Variants in KCNH5 observed in about 807,000 individuals in gnomAD.
KCNH5 encodes the protein potassium voltage-gated channel subfamily H member 5, also known as voltage-gated delayed rectifier potassium channel KCNH5.
KCNH5 carries 46 observed loss-of-function variants against 96.1 expected under a neutral mutation model. The observed-to-expected ratio is 0.48, with a 90% CI of 0.38 to 0.61. The LOEUF is 0.61. Among genes scored for constraint, KCNH5 ranks in the 20% least tolerant of loss-of-function variants. The pLI is 0.00. For synonymous variants in KCNH5, 439 were observed against 449.8 expected, an observed-to-expected ratio of 0.98 and a Z score of 0.30; for missense variants, 907 against 1,225.8, an observed-to-expected ratio of 0.74 and a Z score of 3.88.
At chr14:63,029,749 T>A (rs1891592099) in intron 1 of KCNH5, among the ~76,000 whole-genome samples, 1 of 152,110 alleles carries the variant, frequency 6.6e-6, no homozygotes. Flanking sequence ...GGTTTCTTTT[T>A]GAAATTTCTC....
Position 62,699,959 on chromosome 14 carries a change from A to C in KCNH5, c.*7549T>G, listed in dbSNP as rs989955477. On this transcript the variant is annotated 3_prime_UTR_variant, in exon 11 of 11. Coordinates refer to ENST00000322893, the MANE Select transcript of KCNH5 (RefSeq NM_139318.5). Reference sequence around the variant, plus strand: ...GCATTGTTTCCTTTGTCAATGCATGAATCAATTATTTCTGGTGAATTAACC... The same window carrying C: ...GCATTGTTTCCTTTGTCAATGCATGCATCAATTATTTCTGGTGAATTAACC... 3 of 152,194 alleles carry C rather than the reference A, an allele frequency of 2.0e-5. No individual in the cohort carries two copies. The highest frequency in any genetic ancestry group is 2.9e-5 in the Non-Finnish European group (2 of 68,012). The allele number at this position is 152,194 out of a possible 1,614,324, so 9.4% of individuals were successfully genotyped here.
chr14:62,752,668 C>A (rs979129291), intron 10 of KCNH5, among the ~76,000 whole-genome samples: 1 of 152,024 alleles, frequency 6.6e-6, no homozygotes, highest in Non-Finnish European at 1.5e-5. Flanking sequence ...ATTGTAAACC[C>A]CAAGTGTCAA....
At chr14:62,946,766 C>A (rs1329802352) in intron 7 of KCNH5, among the ~76,000 whole-genome samples, 1 of 152,124 alleles carries the variant, frequency 6.6e-6, no homozygotes, top group Non-Finnish European at 1.5e-5. Context: ...ATTACTGATA[C>A]ATTCAACTTA....
intron 10 of KCNH5, among the ~76,000 whole-genome samples, chr14:62,756,690 A>G (rs1885630968): frequency 6.6e-6 from 1 of 152,220 alleles, no homozygotes; most frequent in Non-Finnish European, 1.5e-5. Context: ...CCAAGAACAT[A>G]CAATGAGGAA....
At chr14:62,864,817 T>C (rs891676694) in intron 7 of KCNH5, among the ~76,000 whole-genome samples, 1 of 152,198 alleles carries the variant, frequency 6.6e-6, no homozygotes, top group Non-Finnish European at 1.5e-5. Context: ...TTTTAGAACC[T>C]TTTTTGTTCA....
intron 10 of KCNH5, among the ~76,000 whole-genome samples, chr14:62,759,475 A>C (rs1885697807): frequency 6.6e-6 from 1 of 151,576 alleles, no homozygotes; most frequent in Non-Finnish European, 1.5e-5. Flanking sequence ...GGATATTGGC[A>C]CATTTGTTTT....
chr14:63,042,683 C>G (rs1324302184), intron 1 of KCNH5, among the ~76,000 whole-genome samples: 2 of 152,106 alleles, frequency 1.3e-5, no homozygotes, highest in East Asian at 3.8e-4. Context: ...TTCTATTAGT[C>G]TCAATTAAAC....
intron 5 of KCNH5, 87 bp downstream of exon 5, chr14:62,986,985 G>C (rs1162150174): frequency 2.4e-6 from 2 of 844,516 alleles, no homozygotes; most frequent in East Asian, 4.9e-5. Context: ...TAAGATCATA[G>C]CCAGAAATAT....
intron 7 of KCNH5, among the ~76,000 whole-genome samples, chr14:62,858,378 G>A (rs971654293): frequency 1.5e-4 from 23 of 152,140 alleles, no homozygotes; most frequent in African/African-American, 5.6e-4. Flanking sequence ...CTTAATCACA[G>A]GGCATGGTAA....
intron 8 of KCNH5, among the ~76,000 whole-genome samples, chr14:62,817,194 A>G (rs1405836871): frequency 2.9e-5 from 4 of 139,572 alleles, no homozygotes; most frequent in African/African-American, 1.1e-4. Flanking sequence ...TATATTATAT[A>G]TCATATATCA....
intron 5 of KCNH5, among the ~76,000 whole-genome samples, chr14:62,984,665 C>T (rs575914130): frequency 1.1e-3 from 161 of 151,860 alleles, no homozygotes; most frequent in African/African-American, 3.5e-3. Flanking sequence ...TCTCTGAAAT[C>T]GACCCTAAGA....
intron 1 of KCNH5, among the ~76,000 whole-genome samples, chr14:63,022,417 A>AT (rs1309729209): frequency 6.6e-6 from 1 of 151,950 alleles, no homozygotes; most frequent in Non-Finnish European, 1.5e-5. Flanking sequence ...CCTTCAATGG[A>AT]TTTTTTATAC....
At chr14:62,898,362 G>A (rs995097194) in intron 7 of KCNH5, among the ~76,000 whole-genome samples, 1 of 152,090 alleles carries the variant, frequency 6.6e-6, no homozygotes, top group African/African-American at 2.4e-5. Flanking sequence ...ATTAACATTA[G>A]ACTATGTTAA....
At chr14:62,827,982 C>A (rs189217425) in intron 8 of KCNH5, among the ~76,000 whole-genome samples, 46 of 152,174 alleles carry the variant, frequency 3.0e-4, no homozygotes, top group Non-Finnish European at 5.4e-4. Flanking sequence ...TGAATTGCTT[C>A]ATTTACTCCT....
intron 6 of KCNH5, among the ~76,000 whole-genome samples, chr14:62,951,080 A>G (rs534336210): frequency 6.6e-6 from 1 of 152,324 alleles, no homozygotes; most frequent in East Asian, 1.9e-4. Flanking sequence ...GGGAAAATGA[A>G]CAAATACCAT....
At chr14:62,784,580 C>A (rs546896429) in intron 9 of KCNH5, among the ~76,000 whole-genome samples, 40 of 152,204 alleles carry the variant, frequency 2.6e-4, no homozygotes, top group African/African-American at 8.9e-4. Flanking sequence ...TTTCATTATA[C>A]TTCTTAATAA....
chr14:63,013,747 CT>C (rs1256794964), intron 2 of KCNH5, among the ~76,000 whole-genome samples: 1 of 151,640 alleles, frequency 6.6e-6, no homozygotes, highest in African/African-American at 2.4e-5. Flanking sequence ...TCATTTTAGG[CT>C]TTTTTTTACT....
At chr14:62,896,400 C>T (rs1045746946) in intron 7 of KCNH5, among the ~76,000 whole-genome samples, 2 of 152,186 alleles carry the variant, frequency 1.3e-5, no homozygotes, top group Non-Finnish European at 2.9e-5. Flanking sequence ...TGGAGGCCTA[C>T]TATTGGTATA....
intron 10 of KCNH5, among the ~76,000 whole-genome samples, chr14:62,735,105 A>G (rs1215246063): frequency 6.6e-6 from 1 of 152,196 alleles, no homozygotes; most frequent in Non-Finnish European, 1.5e-5. Context: ...GAGCTGATGT[A>G]CAATCCTTAT....
Sources: allele counts gnomAD v4.1 joint callset (sites outside exome capture counted in the v4.1 genomes callset), GRCh38; gene constraint gnomAD v4.1.1; transcripts MANE v1.5; gene names NCBI Gene and HGNC (gene_info 2026-07-23, HGNC 2026-07-21).